The following PYHIN1 variants were observed in gnomAD, a reference collection of about 807,000 sequenced individuals.
The protein encoded by PYHIN1 is pyrin and HIN domain-containing protein 1.
In PYHIN1, 32 loss-of-function variants were observed where a neutral mutation model predicts 43.7. That is an observed-to-expected ratio of 0.73 (90% confidence interval 0.55 to 0.98). PYHIN1 has a LOEUF of 0.98. Among genes scored for constraint, PYHIN1 ranks in the 50% least tolerant of loss-of-function variants. The pLI is 0.00. For missense variants in PYHIN1, 588 were observed against 589.5 expected (o/e 1.00, Z 0.03); for synonymous variants, 205 against 203.1 (o/e 1.01, Z -0.08).
chr1:158,954,032 G>A (rs1424958358), intron 7 of PYHIN1, among the ~76,000 whole-genome samples: 9 of 100,474 alleles, frequency 9.0e-5, no homozygotes, highest in African/African-American at 2.4e-4. Context: ...GAAATGAAGC[G>A]AGAAGGGAAG....
intron 1 of PYHIN1, among the ~76,000 whole-genome samples, chr1:158,934,401 G>C (rs949787861): frequency 7.2e-5 from 11 of 152,062 alleles, no homozygotes; most frequent in Non-Finnish European, 1.6e-4. Context: ...GGGACTTTGG[G>C]CCAGCATTAT....
chr1:158,984,279 C>A, the PYHIN1 span, among the ~76,000 whole-genome samples: 1 of 151,650 alleles, frequency 6.6e-6, no homozygotes, highest in Non-Finnish European at 1.5e-5. Flanking sequence ...TGATGTAGGC[C>A]TTTAGTGCTA....
chr1:158,960,109 A>G (rs917532719), intron 7 of PYHIN1, among the ~76,000 whole-genome samples: 2 of 152,134 alleles, frequency 1.3e-5, no homozygotes, highest in African/African-American at 4.8e-5. Context: ...CAAGCTCTCT[A>G]TTTTGTTTTC....
intron 6 of PYHIN1, 69 bp downstream of exon 6, chr1:158,944,047 C>A: frequency 1.5e-6 from 2 of 1,342,778 alleles, no homozygotes; most frequent in Non-Finnish European, 2.0e-6. Context: ...TTTAGGAAGC[C>A]ATACTTCTGT....
intron 7 of PYHIN1, among the ~76,000 whole-genome samples, chr1:158,964,417 C>T (rs145553912): frequency 1.9e-3 from 295 of 152,202 alleles, no homozygotes; most frequent in Non-Finnish European, 3.6e-3. Context: ...CCCCAAGACA[C>T]ATAATCATAA....
intron 7 of PYHIN1, among the ~76,000 whole-genome samples, chr1:158,972,086 C>T (rs965684100): frequency 1.3e-5 from 2 of 151,964 alleles, no homozygotes; most frequent in Non-Finnish European, 2.9e-5. Flanking sequence ...TCAGAAAAGT[C>T]GATCTTTTCT....
chr1:158,949,626 T>C (rs1395835735), intron 7 of PYHIN1, among the ~76,000 whole-genome samples: 1 of 149,986 alleles, frequency 6.7e-6, no homozygotes, highest in African/African-American at 2.4e-5. Flanking sequence ...AGTGAGAATA[T>C]GCACTGTTTG....
At chr1:158,951,239 T>G (rs1408968249) in intron 7 of PYHIN1, among the ~76,000 whole-genome samples, 1 of 152,130 alleles carries the variant, frequency 6.6e-6, no homozygotes, top group Non-Finnish European at 1.5e-5. Context: ...TGTCAAGCAG[T>G]GATGTCATAA....
intron 4 of PYHIN1, chr1:158,939,682 A>C: frequency 3.0e-6 from 2 of 661,458 alleles, no homozygotes; most frequent in Non-Finnish European, 5.4e-6. Flanking sequence ...GGATCCCAAT[A>C]TTGAGATCTT....
At chr1:158,944,066 A>G in intron 6 of PYHIN1, 88 bp downstream of exon 6, 2 of 1,146,912 alleles carry the variant, frequency 1.7e-6, no homozygotes, top group South Asian at 3.9e-5. Flanking sequence ...GTTGTTTTAC[A>G]CTTAAAATTC....
rs1276201792 is a variant in PYHIN1 at position 158,933,042 on chromosome 1, G to A, written c.-21+1266G>A. On this transcript the variant is annotated intron_variant, in intron 1 of 8. Coordinates refer to ENST00000368140, the MANE Select transcript of PYHIN1 (RefSeq NM_152501.5). The surrounding 1 kb of genome is among the most constrained non-coding windows in gnomAD (Gnocchi z 6.3). ...TTATGTTGCTCAAATTTGTAAAAATGTTTTTTTACCTTGTTCATTTAGTAT... is the reference window on the plus strand; with the variant it reads ...TTATGTTGCTCAAATTTGTAAAAATATTTTTTTACCTTGTTCATTTAGTAT... Among the ~76,000 whole-genome samples the A allele has an allele frequency of 6.6e-6, 1 of 151,684 alleles. No homozygotes were observed. Among genetic ancestry groups the A allele is most frequent in the Non-Finnish European group, 1.5e-5 (1 of 67,858 alleles).
At chr1:158,956,185 C>G (rs1248307664) in intron 7 of PYHIN1, among the ~76,000 whole-genome samples, 7 of 144,896 alleles carry the variant, frequency 4.8e-5, no homozygotes, top group Admixed American at 3.5e-4. Context: ...CAAGGAGGAA[C>G]TGGTACCATT....
At chr1:158,973,014 G>C (rs1651023414) in intron 7 of PYHIN1, among the ~76,000 whole-genome samples, 1 of 152,074 alleles carries the variant, frequency 6.6e-6, no homozygotes, top group Non-Finnish European at 1.5e-5. Context: ...AAGTTGGACT[G>C]TGTAGTCACC....
At chr1:158,968,171 G>GA (rs967957700) in intron 7 of PYHIN1, among the ~76,000 whole-genome samples, 65 of 148,466 alleles carry the variant, frequency 4.4e-4, no homozygotes, top group African/African-American at 1.3e-3. Context: ...TACAGAATGA[G>GA]AAAAAAAAAA....
At chr1:158,974,900 C>G (rs577347272) in intron 8 of PYHIN1, among the ~76,000 whole-genome samples, 7 of 151,992 alleles carry the variant, frequency 4.6e-5, no homozygotes, top group Admixed American at 6.6e-5. Context: ...AATTGAACAT[C>G]CCAGGACAAC....
intron 7 of PYHIN1, among the ~76,000 whole-genome samples, chr1:158,961,085 T>A (rs1412034517): frequency 6.6e-6 from 1 of 152,202 alleles, no homozygotes; most frequent in African/African-American, 2.4e-5. Flanking sequence ...GATATTCTAC[T>A]TTCTGAGTAT....
intron 7 of PYHIN1, among the ~76,000 whole-genome samples, chr1:158,971,321 A>G (rs901385716): frequency 6.6e-6 from 1 of 151,984 alleles, no homozygotes; most frequent in Non-Finnish European, 1.5e-5. Flanking sequence ...CTTAGTAAAG[A>G]GAGTGATTTG....
At chr1:158,951,079 G>A (rs530549049) in intron 7 of PYHIN1, among the ~76,000 whole-genome samples, 1 of 152,268 alleles carries the variant, frequency 6.6e-6, no homozygotes, top group South Asian at 2.1e-4. Flanking sequence ...AGTCCTCTAG[G>A]GTTAACACCT....
At chr1:158,987,389 GC>G in the PYHIN1 span, among the ~76,000 whole-genome samples, 1 of 152,054 alleles carries the variant, frequency 6.6e-6, no homozygotes, top group Non-Finnish European at 1.5e-5. Flanking sequence ...CAGAGTCTTT[GC>G]CTATTTTTTA....
Sources: allele counts gnomAD v4.1 joint callset (sites outside exome capture counted in the v4.1 genomes callset), GRCh38; gene constraint gnomAD v4.1.1; non-coding constraint Gnocchi (gnomAD v3.1); transcripts MANE v1.5; gene names NCBI Gene and HGNC (gene_info 2026-07-23, HGNC 2026-07-21).